TOPBP1: variants seen among roughly 807,000 people sequenced by gnomAD.
TOPBP1 encodes DNA topoisomerase 2-binding protein 1.
In TOPBP1, 28 loss-of-function variants were observed where a neutral mutation model predicts 167.7. The observed-to-expected ratio is 0.17, with a 90% CI of 0.12 to 0.23. TOPBP1 has a LOEUF of 0.23. Among genes scored for constraint, TOPBP1 ranks in the 10% least tolerant of loss-of-function variants. The pLI, the probability that TOPBP1 is intolerant of heterozygous loss-of-function variation, is 1.00. For synonymous variants in TOPBP1, 598 were observed against 611.4 expected (o/e 0.98, Z 0.32); for missense variants, 1,554 against 1,809.6 (o/e 0.86, Z 2.56).
chr3:133,615,337 C>T (rs929540812), intron 23 of TOPBP1, among the ~76,000 whole-genome samples: 11 of 152,018 alleles, frequency 7.2e-5, no homozygotes, highest in African/African-American at 2.7e-4. Flanking sequence ...ATTAGCCAGG[C>T]GTGGTGGCGC....
intron 17 of TOPBP1, 38 bp from the exon 18 acceptor site, chr3:133,623,495 A>G (rs1340594340): frequency 6.4e-7 from 1 of 1,564,500 alleles, no homozygotes; most frequent in Admixed American, 1.8e-5. Flanking sequence ...AGGACTGACA[A>G]AATCTTAATG....
chr3:133,658,936 C>A, intron 3 of TOPBP1, 80 bp downstream of exon 3: 2 of 1,432,144 alleles, frequency 1.4e-6, no homozygotes, highest in Non-Finnish European at 1.8e-6. Flanking sequence ...ACTTTATAAT[C>A]CGCAAAGAAT....
rs769192519 is a variant in TOPBP1, at chr3:133,655,453, T to G, written c.579A>C (p.Glu193Asp). The G allele has an allele frequency of 6.3e-7, 1 of 1,584,258 alleles. No homozygotes were observed. Among genetic ancestry groups the G allele is most frequent in the Non-Finnish European group, 8.6e-7 (1 of 1,165,828 alleles). The change falls in exon 6 of 28, where the codon GAA becomes GAC. Residue 193 changes from glutamate (E) to aspartate (D), a missense_variant. This residue lies in a region of TOPBP1 where 1,197 missense variants were observed against 1,351.5 expected (regional missense o/e 0.89). Transcript: ENST00000260810. ...KITRYTDINM[E>D]DFKCPIFLGC... ...CAAGAAAAATAGGACACTTGAAATC[T>G]TCCATGTTTATATCAGTATATCTAG...
chr3:133,659,971 G>C (rs1265931508), intron 2 of TOPBP1, among the ~76,000 whole-genome samples: 1 of 152,082 alleles, frequency 6.6e-6, no homozygotes. Context: ...TCCACTGAGA[G>C]AAAAATGGCC....
chr3:133,608,306 G>C (rs541539648), intron 27 of TOPBP1, among the ~76,000 whole-genome samples: 1 of 152,198 alleles, frequency 6.6e-6, no homozygotes, highest in African/African-American at 2.4e-5. Flanking sequence ...GAGGTACCTA[G>C]ATTTTTATAC....
Position 133,649,811 on chromosome 3 carries a change from A to G in TOPBP1, c.1222T>C (p.Leu408=), listed in dbSNP as rs765064160. 6.2e-7 allele frequency: 1 copy of G among 1,606,464 alleles called. No homozygotes were observed. The highest frequency in any genetic ancestry group is 8.5e-7 in the Non-Finnish European group (1 of 1,178,240). The part of the protein sequence containing the change: ...HVIVGDYDDE[L]KQFWNKSAHR... ...GCTGATTTATTCCAAAACTGCTTCA[A>G]TTCATCATCATAATCTCCCACAATA... The change falls in exon 9 of 28, where the codon TTG becomes CTG. Residue 408 remains leucine, a synonymous_variant. Coordinates refer to ENST00000260810, the MANE Select transcript of TOPBP1 (RefSeq NM_007027.4).
intron 20 of TOPBP1, 50 bp from the exon 21 acceptor site, chr3:133,618,483 C>T (rs778327906): frequency 6.4e-7 from 1 of 1,561,632 alleles, no homozygotes; most frequent in East Asian, 2.3e-5. Flanking sequence ...CAAATCCAAA[C>T]TCATTAAATC....
intron 19 of TOPBP1, among the ~76,000 whole-genome samples, chr3:133,620,717 G>A (rs1935062875): frequency 6.6e-6 from 1 of 151,790 alleles, no homozygotes; most frequent in Non-Finnish European, 1.5e-5. Flanking sequence ...GGGATTACAG[G>A]TGCCCATCAC....
Position 133,609,709 on chromosome 3 carries a change from C to T in TOPBP1, c.4174-747G>A, listed in dbSNP as rs374374161. Among the ~76,000 whole-genome samples, 59 of 152,292 alleles carry T rather than the reference C, an allele frequency of 3.9e-4. 1 individual carries two copies. Among genetic ancestry groups the T allele is most frequent in the African/African-American group, 1.1e-3 (46 of 41,554 alleles). On this transcript the variant is annotated intron_variant, in intron 25 of 27. Coordinates refer to ENST00000260810, the MANE Select transcript of TOPBP1 (RefSeq NM_007027.4). ...TCTCCTGCCACCATGTGAAGAAGGA[C>T]GTGTTTGCTTCTTACATGACTGTAA...
chr3:133,626,650 AC>A (rs1935276589), intron 16 of TOPBP1, among the ~76,000 whole-genome samples: 1 of 152,086 alleles, frequency 6.6e-6, no homozygotes. Context: ...CAGCCTTGGG[AC>A]TGTTGGATTT....
intron 13 of TOPBP1, 58 bp from the exon 14 acceptor site, chr3:133,638,220 G>A (rs984567971): frequency 8.7e-6 from 13 of 1,491,948 alleles, no homozygotes; most frequent in African/African-American, 5.6e-5. Flanking sequence ...CTTTTTCCCG[G>A]TACACAAGAA....
At chr3:133,641,296 C>T (rs983258467) in intron 12 of TOPBP1, among the ~76,000 whole-genome samples, 1 of 152,122 alleles carries the variant, frequency 6.6e-6, no homozygotes, top group Non-Finnish European at 1.5e-5. Context: ...GCTACATTTG[C>T]TGTCCATTAA....
intron 8 of TOPBP1, among the ~76,000 whole-genome samples, chr3:133,651,777 G>C (rs190046263): frequency 6.6e-6 from 1 of 152,120 alleles, no homozygotes; most frequent in African/African-American, 2.4e-5. Flanking sequence ...GTGTGACTCT[G>C]AACAAGAATT....
chr3:133,649,942 A>G lies in TOPBP1; in HGVS notation c.1091T>C (p.Ile364Thr). Reference sequence around the variant, plus strand: ...TCTGCCACTAAAACCGCAAAGATATATCTGCAAGAAAGAAAATATTTAATA... The same window carrying G: ...TCTGCCACTAAAACCGCAAAGATATGTCTGCAAGAAAGAAAATATTTAATA... ...APEDLLDGCR[I>T]YLCGFSGRKL... The change falls in exon 9 of 28, where the codon ATA becomes ACA. Residue 364 changes from isoleucine (I) to threonine (T), a missense_variant and splice_region_variant. This residue lies in a region of TOPBP1 where 1,197 missense variants were observed against 1,351.5 expected (regional missense o/e 0.89). Transcript: ENST00000260810. The G allele has an allele frequency of 1.9e-6, 3 of 1,569,786 alleles. No homozygotes were observed. Among genetic ancestry groups the G allele is most frequent in the Non-Finnish European group, 2.6e-6 (3 of 1,164,100 alleles).
At chr3:133,603,107 G>A (rs1268000711) in intron 27 of TOPBP1, among the ~76,000 whole-genome samples, 2 of 151,992 alleles carry the variant, frequency 1.3e-5, no homozygotes, top group African/African-American at 4.8e-5. Context: ...TATTGGCCAG[G>A]CTGGTCTCGA....
chr3:133,635,446 C>T (rs1935635388), intron 14 of TOPBP1, among the ~76,000 whole-genome samples: 1 of 152,140 alleles, frequency 6.6e-6, no homozygotes, highest in African/African-American at 2.4e-5. Flanking sequence ...TTAGAGATGG[C>T]GGTCTCGCTA....
In TOPBP1 at chr3:133,626,470, G is replaced by A. The variant is rs533842028; in HGVS notation, c.2804+1892C>T. Among the ~76,000 whole-genome samples the A allele has an allele frequency of 2.2e-4, 33 of 152,178 alleles. 1 individual carries two copies. Among genetic ancestry groups the A allele is most frequent in the African/African-American group, 6.3e-4 (26 of 41,516 alleles). The stretch of plus-strand genomic sequence containing the variant: ...TATTCTAATGTCCCGACAAATTCAC[G>A]TATGTAAAAAAAAGTTGTTTATAAT... On this transcript the variant is annotated intron_variant, in intron 16 of 27. Transcript: ENST00000260810.
intron 16 of TOPBP1, among the ~76,000 whole-genome samples, chr3:133,626,866 G>C (rs764075957): frequency 6.6e-6 from 1 of 152,062 alleles, no homozygotes; most frequent in East Asian, 1.9e-4. Context: ...CATTTTAATA[G>C]AGGGAATGTT....
chr3:133,602,270 C>A (rs145300739), intron 27 of TOPBP1, among the ~76,000 whole-genome samples: 12 of 152,146 alleles, frequency 7.9e-5, no homozygotes, highest in African/African-American at 2.9e-4. Flanking sequence ...AAGAAAAAAA[C>A]CTGTCAATCT....
Sources: allele counts gnomAD v4.1 joint callset (sites outside exome capture counted in the v4.1 genomes callset), GRCh38; gene constraint gnomAD v4.1.1; regional missense constraint gnomAD v4.1.1; transcripts MANE v1.5; gene names NCBI Gene and HGNC (gene_info 2026-07-23, HGNC 2026-07-21).